The following ADGRL3 variants were observed in gnomAD, a reference collection of about 807,000 sequenced individuals.
ADGRL3 encodes the protein calcium-independent alpha-latrotoxin receptor 3.
ADGRL3 carries 62 observed loss-of-function variants against 153.5 expected under a neutral mutation model. The observed-to-expected ratio is 0.40, with a 90% confidence interval of 0.33 to 0.50. The LOEUF (loss-of-function observed/expected upper bound fraction) is 0.50. Among genes scored for constraint, ADGRL3 ranks in the 20% least tolerant of loss-of-function variants. The pLI, the probability that ADGRL3 is intolerant of heterozygous loss-of-function variation, is 0.47. For missense variants in ADGRL3, 1,641 were observed against 1,859.4 expected (o/e 0.88, Z 2.16); for synonymous variants, 710 against 672.5 (o/e 1.06, Z -0.86).
At chr4:61,910,858 C>T (rs1458423585) in intron 12 of ADGRL3, among the ~76,000 whole-genome samples, 1 of 148,836 alleles carries the variant, frequency 6.7e-6, no homozygotes, top group Non-Finnish European at 1.5e-5. Flanking sequence ...GATTATTCAA[C>T]ACAGAAAAGC....
chr4:61,658,056 G>C (rs982478830), intron 5 of ADGRL3, among the ~76,000 whole-genome samples: 1 of 152,126 alleles, frequency 6.6e-6, no homozygotes, highest in Non-Finnish European at 1.5e-5. Context: ...CCTAAAGTCA[G>C]TCCACCATAA....
At chr4:61,471,886 G>C (rs2097959773) in intron 2 of ADGRL3, among the ~76,000 whole-genome samples, 1 of 151,966 alleles carries the variant, frequency 6.6e-6, no homozygotes, top group Non-Finnish European at 1.5e-5. Flanking sequence ...GATTACAGAA[G>C]TAGAAGGAAA....
chr4:61,842,331 A>G (rs1409801030), intron 9 of ADGRL3, among the ~76,000 whole-genome samples: 2 of 152,176 alleles, frequency 1.3e-5, no homozygotes, highest in South Asian at 2.1e-4. Flanking sequence ...TTCTACATAG[A>G]TAAGTATATG....
At chr4:61,585,081 GT>G (rs997871651) in intron 4 of ADGRL3, among the ~76,000 whole-genome samples, 2 of 151,856 alleles carry the variant, frequency 1.3e-5, no homozygotes, top group Non-Finnish European at 2.9e-5. Context: ...ACCTTTAATT[GT>G]GCTAACTCTC....
intron 1 of ADGRL3, among the ~76,000 whole-genome samples, chr4:61,250,447 T>C (rs1201845549): frequency 6.6e-6 from 1 of 152,214 alleles, no homozygotes; most frequent in Admixed American, 6.5e-5. Flanking sequence ...GTTCTTGTGA[T>C]GTTTGGTGCC....
intron 5 of ADGRL3, among the ~76,000 whole-genome samples, chr4:61,638,004 T>C (rs2093501987): frequency 6.6e-6 from 1 of 152,134 alleles, no homozygotes; most frequent in South Asian, 2.1e-4. Flanking sequence ...AATTAATACA[T>C]ATCAACTTTA....
chr4:61,363,507 C>T (rs186170304), intron 1 of ADGRL3, among the ~76,000 whole-genome samples: 4 of 152,204 alleles, frequency 2.6e-5, no homozygotes, highest in Admixed American at 2.6e-4. Flanking sequence ...TATTTCTCTC[C>T]TTTTTGAGTA....
intron 2 of ADGRL3, among the ~76,000 whole-genome samples, chr4:61,445,716 T>C (rs919689614): frequency 1.3e-5 from 2 of 152,220 alleles, no homozygotes; most frequent in Non-Finnish European, 1.5e-5. Flanking sequence ...GAGCTCTCAG[T>C]TGAGTCACAT....
intron 2 of ADGRL3, among the ~76,000 whole-genome samples, chr4:61,486,943 A>G (rs1411803417): frequency 6.6e-6 from 1 of 152,216 alleles, no homozygotes; most frequent in Non-Finnish European, 1.5e-5. Context: ...CCAAAGACAT[A>G]TATAATGCCA....
intron 4 of ADGRL3, among the ~76,000 whole-genome samples, chr4:61,575,888 T>C (rs1229436774): frequency 3.3e-5 from 5 of 152,094 alleles, no homozygotes; most frequent in African/African-American, 1.2e-4. Context: ...ATAAAGACTT[T>C]CTATTGATTT....
chr4:61,419,188 T>C lies in ADGRL3; in HGVS notation c.-174+35999T>C, dbSNP rs927573343. Among the ~76,000 whole-genome samples, 9 of 150,854 alleles carry C rather than the reference T, an allele frequency of 6.0e-5. 1 individual carries two copies. Among genetic ancestry groups the C allele is most frequent in the African/African-American group, 2.2e-4 (9 of 40,656 alleles). ...TATTATAAGTAAATGAAGTGATGTA[T>C]AATGAAACCAATTTTACTATATGCT... On this transcript the variant is annotated intron_variant, in intron 2 of 26. Coordinates refer to ENST00000683033, the MANE Select transcript of ADGRL3 (RefSeq NM_001387552.1).
chr4:61,885,817 G>A (rs115639263), intron 9 of ADGRL3, among the ~76,000 whole-genome samples: 1,565 of 152,244 alleles, frequency 0.01, 26 homozygotes, highest in Admixed American at 0.038. Context: ...TTTCATCTCT[G>A]AAATGAAGAT....
intron 21 of ADGRL3, among the ~76,000 whole-genome samples, chr4:62,022,496 T>C (rs1037826401): frequency 3.3e-5 from 5 of 152,158 alleles, no homozygotes; most frequent in Non-Finnish European, 7.4e-5. Flanking sequence ...CAAAACAGCC[T>C]TCTATTGGAA....
At chr4:61,482,124 C>A (rs1340699448) in intron 2 of ADGRL3, among the ~76,000 whole-genome samples, 1 of 152,060 alleles carries the variant, frequency 6.6e-6, no homozygotes, top group Non-Finnish European at 1.5e-5. Flanking sequence ...GCAGAGATAA[C>A]CTTTGATTCT....
At chr4:61,374,681 T>A (rs1301278272) in intron 1 of ADGRL3, among the ~76,000 whole-genome samples, 3 of 152,126 alleles carry the variant, frequency 2.0e-5, no homozygotes, top group Admixed American at 6.5e-5. Context: ...TGATATTTGA[T>A]ATGTAAGTTA....
At chr4:61,958,929 G>A (rs879849848) in intron 17 of ADGRL3, among the ~76,000 whole-genome samples, 4 of 152,112 alleles carry the variant, frequency 2.6e-5, no homozygotes, top group Non-Finnish European at 5.9e-5. Context: ...TGGCAACACA[G>A]CTGGTTAACT....
chr4:61,875,353 A>T (rs1401591279), intron 9 of ADGRL3, among the ~76,000 whole-genome samples: 1 of 152,218 alleles, frequency 6.6e-6, no homozygotes, highest in Non-Finnish European at 1.5e-5. Flanking sequence ...GGATAAATGG[A>T]ATAGTGAAAG....
chr4:61,867,646 G>A (rs1414160104), intron 9 of ADGRL3, among the ~76,000 whole-genome samples: 2 of 150,346 alleles, frequency 1.3e-5, no homozygotes, highest in Admixed American at 6.6e-5. Flanking sequence ...TATTTAATAT[G>A]TTTTATGTGA....
At position 61,774,313 on chromosome 4, in the gene ADGRL3, C is replaced by T. The variant is rs1214475050; in HGVS notation, c.1400-39496C>T. Among the ~76,000 whole-genome samples, 78 of 147,006 alleles carry T rather than the reference C, an allele frequency of 5.3e-4. 1 individual carries two copies. Among genetic ancestry groups the T allele is most frequent in the Middle Eastern group, 3.4e-3 (1 of 292 alleles). ...CGGAGGTTGCAGTGAGCCAAGATCG[C>T]GCCATTGCACTCCAGCCTGGGCAAC... On this transcript the variant is annotated intron_variant, in intron 8 of 26. Transcript: ENST00000683033.
Sources: allele counts gnomAD v4.1 joint callset (sites outside exome capture counted in the v4.1 genomes callset), GRCh38; gene constraint gnomAD v4.1.1; transcripts MANE v1.5; gene names NCBI Gene and HGNC (gene_info 2026-07-23, HGNC 2026-07-21).